Variants in ACTN4 observed in about 807,000 individuals in gnomAD.
ACTN4 encodes the protein alpha-actinin-4.
Under a neutral mutation model 114.2 loss-of-function variants are expected in ACTN4, and 18 were observed. That is an observed-to-expected ratio of 0.16 (90% CI 0.11 to 0.23). The LOEUF is 0.23. Ranked by LOEUF, ACTN4 falls within the 10% of genes least tolerant of loss-of-function variation. The pLI, the probability that ACTN4 is intolerant of heterozygous loss-of-function variation, is 1.00. For missense variants in ACTN4, 722 were observed against 1,262.9 expected (o/e 0.57, Z 6.49); for synonymous variants, 515 against 506.3 (o/e 1.02, Z -0.23).
rs375958081 is a variant in ACTN4 at position 38,731,160 on chromosome 19, C to T, written c.*1728C>T. On this transcript the variant is annotated 3_prime_UTR_variant, in exon 21 of 21. Coordinates refer to ENST00000252699, the MANE Select transcript of ACTN4 (RefSeq NM_004924.6). ...GGACACGAACCGCTCGAAGTCCACA[C>T]GCAGACGGCTATCCCGGTAGCGGCT... 70 of 1,613,110 alleles carry T rather than the reference C, an allele frequency of 4.3e-5. No homozygotes were observed. Among genetic ancestry groups the T allele is most frequent in the African/African-American group, 2.3e-4 (17 of 74,932 alleles).
At chr19:38,713,298 G>A (rs992758763) in intron 8 of ACTN4, among the ~76,000 whole-genome samples, 1 of 152,210 alleles carries the variant, frequency 6.6e-6, no homozygotes, top group Admixed American at 6.5e-5. Context: ...GGAACTCAGC[G>A]GTGAAACATG....
chr19:38,708,930 G>T (rs1031664447), intron 6 of ACTN4, among the ~76,000 whole-genome samples: 5 of 152,168 alleles, frequency 3.3e-5, no homozygotes, highest in African/African-American at 1.2e-4. Flanking sequence ...AGTGCAGTGG[G>T]CTTTAGTCCT....
intron 1 of ACTN4, among the ~76,000 whole-genome samples, chr19:38,675,399 A>C (rs1178808896): frequency 6.6e-6 from 1 of 151,634 alleles, no homozygotes; most frequent in Non-Finnish European, 1.5e-5. Flanking sequence ...CTCCTGCCTT[A>C]TTTTTTGATT....
chr19:38,726,917 A>G (rs1969251681), intron 17 of ACTN4, 40 bp from the exon 18 acceptor site: 1 of 1,612,134 alleles, frequency 6.2e-7, no homozygotes, highest in African/African-American at 1.3e-5. Context: ...AGGACAGTTC[A>G]CAGCACCCGG....
intron 1 of ACTN4, among the ~76,000 whole-genome samples, chr19:38,697,796 G>A (rs145769269): frequency 6.6e-6 from 1 of 152,354 alleles, no homozygotes; most frequent in Non-Finnish European, 1.5e-5. Flanking sequence ...TTGCTGCCCA[G>A]CAGTGCCTGC....
At chr19:38,677,220 C>T (rs1262130859) in intron 1 of ACTN4, among the ~76,000 whole-genome samples, 4 of 152,164 alleles carry the variant, frequency 2.6e-5, no homozygotes, top group Non-Finnish European at 5.9e-5. Context: ...CTCCTTTTAA[C>T]TCCAACCATC....
intron 1 of ACTN4, among the ~76,000 whole-genome samples, chr19:38,651,260 G>T (rs1393695255): frequency 1.3e-5 from 2 of 152,204 alleles, no homozygotes; most frequent in African/African-American, 4.8e-5. Flanking sequence ...GAGGGGACGT[G>T]TGTCTCACTT....
chr19:38,721,679 A>G lies in ACTN4; in HGVS notation c.1433A>G (p.Gln478Arg). ...GTGGAGCAGATCGCCGCCATTGCCC[A>G]GGAGCTCAAGTACGTGCGGGCTCAG... ...DRVEQIAAIA[Q>R]ELNELDYYDS... The change falls in exon 12 of 21, where the codon CAG (glutamine) becomes CGG (arginine). Residue 478 changes from glutamine to arginine, a missense_variant. Gln to Arg is a conservative substitution (Grantham distance 43). This residue lies in a region of ACTN4 where 523 missense variants were observed against 875.9 expected (regional missense o/e 0.60). Coordinates refer to ENST00000252699, the MANE Select transcript of ACTN4 (RefSeq NM_004924.6). The G allele has an allele frequency of 1.2e-6, 2 of 1,613,390 alleles. No individual in the cohort carries two copies. The highest frequency in any genetic ancestry group is 1.7e-6 in the Non-Finnish European group (2 of 1,180,022).
chr19:38,671,376 G>A (rs982688014), intron 1 of ACTN4, among the ~76,000 whole-genome samples: 4 of 152,186 alleles, frequency 2.6e-5, no homozygotes, highest in African/African-American at 9.7e-5. Flanking sequence ...CATTCTGCAC[G>A]CACAATAACC....
chr19:38,666,355 C>T (rs765809798), intron 1 of ACTN4, among the ~76,000 whole-genome samples: 2 of 152,330 alleles, frequency 1.3e-5, no homozygotes, highest in African/African-American at 4.8e-5. Context: ...GAGTGACAAC[C>T]GATGGGGGCT....
chr19:38,657,297 G>A (rs1439062927), intron 1 of ACTN4, among the ~76,000 whole-genome samples: 1 of 151,932 alleles, frequency 6.6e-6, no homozygotes. Flanking sequence ...CGCGCGCCAC[G>A]ACGCCCAGCT....
At chr19:38,718,119 C>T (rs760019463) in intron 11 of ACTN4, 45 bp downstream of exon 11, 2 of 1,570,970 alleles carry the variant, frequency 1.3e-6, no homozygotes, top group East Asian at 2.4e-5. Flanking sequence ...CGCTCCCGTG[C>T]TCCCCTCCTG....
chr19:38,691,674 G>A (rs1003422124), intron 1 of ACTN4, among the ~76,000 whole-genome samples: 1 of 152,056 alleles, frequency 6.6e-6, no homozygotes, highest in Non-Finnish European at 1.5e-5. Flanking sequence ...AGGCTGAGGC[G>A]GGTGGATTAC....
chr19:38,710,633 G>T (rs184224221), intron 8 of ACTN4, among the ~76,000 whole-genome samples: 1 of 152,260 alleles, frequency 6.6e-6, no homozygotes, highest in Non-Finnish European at 1.5e-5. Flanking sequence ...CATACAGCAG[G>T]CCTGTCACAG....
chr19:38,682,334 CCTGT>C (rs1258581457), intron 1 of ACTN4, among the ~76,000 whole-genome samples: 1 of 151,888 alleles, frequency 6.6e-6, no homozygotes, highest in East Asian at 1.9e-4. Flanking sequence ...GCTACCATGC[CCTGT>C]CTCTTTTTTT....
At chr19:38,649,103 G>A (rs1976477598) in intron 1 of ACTN4, among the ~76,000 whole-genome samples, 1 of 136,856 alleles carries the variant, frequency 7.3e-6, no homozygotes, top group Admixed American at 8.0e-5. Context: ...AGGAAGAATT[G>A]TGTCTTTTTT....
rs1457419965 is a variant in ACTN4 at position 38,729,965 on chromosome 19, A to G, written c.*533A>G. 1 of 324,860 alleles carries G rather than the reference A, an allele frequency of 3.1e-6. No homozygotes were observed. Among genetic ancestry groups the G allele is most frequent in the Non-Finnish European group, 6.0e-6 (1 of 166,566 alleles). The allele number at this position is 324,860 out of a possible 1,614,324, so 20.1% of individuals were successfully genotyped here. Reference sequence around the variant, plus strand: ...TTGCCATTGCCAGGAGATGGCCCCAACAAGCACCCCGCTTTTGCAGCAGAG... The same window carrying G: ...TTGCCATTGCCAGGAGATGGCCCCAGCAAGCACCCCGCTTTTGCAGCAGAG... On this transcript the variant is annotated 3_prime_UTR_variant, in exon 21 of 21. Transcript: ENST00000252699.
In ACTN4 at chr19:38,730,350, T is replaced by TGGGTC. The variant is rs1969483257; in HGVS notation, c.*919_*923dup. 1 of 172,572 alleles carries TGGGTC rather than the reference T, an allele frequency of 5.8e-6. No individual in the cohort carries two copies. Among genetic ancestry groups the TGGGTC allele is most frequent in the Non-Finnish European group, 1.3e-5 (1 of 79,706 alleles). 10.7% of individuals were successfully genotyped at this position (172,572 alleles called of 1,614,324 possible). Reference sequence around the variant, plus strand: ...TGCTCCTCCGGGTCTGCGTCGGGCGTGGGTCTCTGGGGACCCTCCAGAGGT... The same window carrying TGGGTC: ...TGCTCCTCCGGGTCTGCGTCGGGCGTGGGTCGGGTCTCTGGGGACCCTCCAGAGGT... On this transcript the variant is annotated 3_prime_UTR_variant, in exon 21 of 21. Transcript: ENST00000252699.
At position 38,723,645 on chromosome 19, in the gene ACTN4, A is replaced by C. The variant is rs1475531948; in HGVS notation, c.1474A>C (p.Asn492His). The stretch of plus-strand genomic sequence containing the variant: ...GGATTACTACGACTCCCACAATGTC[A>C]ACACCCGGTGCCAGAAGATCTGTGA... Reference protein sequence around the residue: ...ELDYYDSHNVNTRCQKICDQW... With the variant: ...ELDYYDSHNVHTRCQKICDQW... The change falls in exon 13 of 21, where the codon AAC becomes CAC. Residue 492 changes from asparagine (N) to histidine (H), a missense_variant. Around this residue, in one of 3 missense-constraint regions of ACTN4, gnomAD observed 523 missense variants for 875.9 expected, o/e 0.60. Transcript: ENST00000252699. 3.1e-6 allele frequency: 5 copies of C among 1,613,276 alleles called. No individual in the cohort carries two copies. Among genetic ancestry groups the C allele is most frequent in the Non-Finnish European group, 4.2e-6 (5 of 1,179,816 alleles).
Sources: allele counts gnomAD v4.1 joint callset (sites outside exome capture counted in the v4.1 genomes callset), GRCh38; gene constraint gnomAD v4.1.1; regional missense constraint gnomAD v4.1.1; transcripts MANE v1.5; gene names NCBI Gene and HGNC (gene_info 2026-07-23, HGNC 2026-07-21).